ASXL2: variants seen among roughly 807,000 people sequenced by gnomAD.
ASXL2 encodes putative Polycomb group protein ASXL2.
A neutral mutation model predicts 122.0 loss-of-function variants in ASXL2; 23 were observed. That is an observed-to-expected ratio of 0.19 (90% confidence interval 0.14 to 0.27). The LOEUF is 0.27. Ranked by LOEUF, ASXL2 falls within the 10% of genes least tolerant of loss-of-function variation. The pLI, the probability that ASXL2 is intolerant of heterozygous loss-of-function variation, is 1.00. For synonymous variants in ASXL2, 650 were observed against 637.0 expected (o/e 1.02, Z -0.31); for missense variants, 1,518 against 1,713.8 (o/e 0.89, Z 2.02).
In ASXL2 at chr2:25,768,023, A is replaced by G. The variant is rs148049589; in HGVS notation, c.632-297T>C. Among the ~76,000 whole-genome samples, 364 of 152,332 alleles carry G rather than the reference A, an allele frequency of 2.4e-3. 2 individuals carry two copies. The highest frequency in any genetic ancestry group is 8.3e-3 in the African/African-American group (347 of 41,574). On this transcript the variant is annotated intron_variant, in intron 7 of 12. Coordinates refer to ENST00000435504, the MANE Select transcript of ASXL2 (RefSeq NM_018263.6). ...CTTATGGTATCAAACTGAATTATGT[A>G]ATACAATACAGAGTCTGTGTCTAGA... is the stretch of plus-strand genomic sequence containing the variant.
chr2:25,804,199 T>C (rs182694796), intron 4 of ASXL2, among the ~76,000 whole-genome samples: 9 of 152,328 alleles, frequency 5.9e-5, no homozygotes, highest in East Asian at 1.9e-4. Context: ...TACACAACCA[T>C]TGGGCACAGT....
chr2:25,769,564 T>C (rs1481637304), intron 6 of ASXL2, among the ~76,000 whole-genome samples: 1 of 151,884 alleles, frequency 6.6e-6, no homozygotes, highest in African/African-American at 2.4e-5. Flanking sequence ...TTATAAAATA[T>C]ACTTGATAAT....
rs544077487 is a variant in ASXL2, at chr2:25,859,552, T to C, written c.58-13989A>G. Among the ~76,000 whole-genome samples the C allele has an allele frequency of 2.6e-5, 4 of 152,348 alleles. No homozygotes were observed. The South Asian group carries it at 8.3e-4, about 32-fold the overall frequency. On this transcript the variant is annotated intron_variant, in intron 1 of 12. Transcript: ENST00000435504. ...AAAGAAATACCTCAAAATATAGGGA[T>C]GAGTTCCAATTCTTAAAATGGACTA...
rs1372480133 is a variant in ASXL2, at chr2:25,878,411, C to T, written c.-189G>A. ...CGGGGGGGTCTATGGGGCGGCCGGT[C>T]CTCTTGCTGCCGTTGCCACTGCTAC... On this transcript the variant is annotated 5_prime_UTR_variant, in exon 1 of 13. Transcript: ENST00000435504. 3.0e-5 allele frequency: 18 copies of T among 603,562 alleles called. No homozygotes were observed. Among genetic ancestry groups the T allele is most frequent in the Non-Finnish European group, 5.0e-5 (17 of 341,440 alleles). The allele number at this position is 603,562 out of a possible 1,614,324, so 37.4% of individuals were successfully genotyped here.
At chr2:25,866,614 CTT>C (rs928171875) in intron 1 of ASXL2, among the ~76,000 whole-genome samples, 15 of 152,226 alleles carry the variant, frequency 9.9e-5, no homozygotes, top group African/African-American at 3.6e-4. Context: ...GGTTGCCCCT[CTT>C]GTCCCCCACA....
chr2:25,753,256 G>A (rs569321090), intron 11 of ASXL2, among the ~76,000 whole-genome samples: 223 of 151,650 alleles, frequency 1.5e-3, no homozygotes, highest in Non-Finnish European at 1.8e-3. Context: ...GAGCCACTGC[G>A]CCCAGCTAAA....
intron 1 of ASXL2, among the ~76,000 whole-genome samples, chr2:25,873,625 GAATAAAGTCTATATATTAA>G (rs762067053): frequency 2.7e-4 from 41 of 150,210 alleles, no homozygotes; most frequent in Admixed American, 1.5e-3. Flanking sequence ...ATTAACCAAT[GAATAAAGTCTATATATTAA>G]AAAAAAAAAC....
chr2:25,812,078 A>G (rs1224575538), intron 3 of ASXL2, among the ~76,000 whole-genome samples: 3 of 151,764 alleles, frequency 2.0e-5, no homozygotes, highest in Admixed American at 1.3e-4. Flanking sequence ...TTTACATAAG[A>G]TATTACCATT....
chr2:25,828,522 A>AAG (rs1553703322), intron 3 of ASXL2, among the ~76,000 whole-genome samples: 27 of 133,276 alleles, frequency 2.0e-4, no homozygotes, highest in African/African-American at 4.5e-4. Context: ...AAAAAAAAAT[A>AAG]AAAAGAAAAG....
At chr2:25,759,345 TCC>T in intron 9 of ASXL2, 135 bp downstream of exon 9, 1 of 863,678 alleles carries the variant, frequency 1.2e-6, no homozygotes. Flanking sequence ...AATTTTTTTT[TCC>T]TAAGCCTTAA....
chr2:25,845,189 C>T, intron 2 of ASXL2: 1 of 361,862 alleles, frequency 2.8e-6, no homozygotes, highest in Non-Finnish European at 5.4e-6. Context: ...AATCAAAAAG[C>T]CTAAAGAGAC....
At chr2:25,806,150 C>G (rs2089077858) in intron 4 of ASXL2, 79 bp downstream of exon 4, 1 of 857,036 alleles carries the variant, frequency 1.2e-6, no homozygotes. Flanking sequence ...GAACAGAATT[C>G]TGTCCCTACG....
intron 1 of ASXL2, among the ~76,000 whole-genome samples, chr2:25,867,503 A>G (rs903200042): frequency 2.0e-5 from 3 of 152,206 alleles, no homozygotes; most frequent in Non-Finnish European, 4.4e-5. Flanking sequence ...TATAGGTAAA[A>G]AAAGGTATGC....
chr2:25,878,107 T>G, intron 1 of ASXL2, 59 bp downstream of exon 1: 5 of 1,601,984 alleles, frequency 3.1e-6, no homozygotes, highest in Non-Finnish European at 4.3e-6. Flanking sequence ...TCCCTGCGAC[T>G]GGCGGGCGAC....
At chr2:25,798,087 C>T (rs573906481) in intron 5 of ASXL2, among the ~76,000 whole-genome samples, 3 of 152,186 alleles carry the variant, frequency 2.0e-5, no homozygotes, top group African/African-American at 7.2e-5. Flanking sequence ...AACCAAATAC[C>T]GCATGTTCTC....
intron 1 of ASXL2, among the ~76,000 whole-genome samples, chr2:25,861,963 G>A (rs985425374): frequency 6.6e-6 from 1 of 152,130 alleles, no homozygotes; most frequent in Non-Finnish European, 1.5e-5. Context: ...CCAAAGTACT[G>A]TACTGTATCA....
intron 5 of ASXL2, among the ~76,000 whole-genome samples, chr2:25,773,507 TA>T (rs2088492717): frequency 6.6e-6 from 1 of 150,960 alleles, no homozygotes; most frequent in South Asian, 2.1e-4. Flanking sequence ...CTACTAAAAA[TA>T]CAAAAAAATT....
At position 25,736,321 on chromosome 2, in the gene ASXL2, T is replaced by C. The variant is rs529679909; in HGVS notation, c.*5708A>G. On this transcript the variant is annotated 3_prime_UTR_variant, in exon 13 of 13. Coordinates refer to ENST00000435504, the MANE Select transcript of ASXL2 (RefSeq NM_018263.6). ...CCATGTCATCACCTGAATATAAATT[T>C]ATCTTCCCACAAGATAGGAGACCCA... The C allele has an allele frequency of 1.9e-4, 29 of 152,324 alleles. No homozygotes were observed. The highest frequency in any genetic ancestry group is 6.5e-4 in the African/African-American group (27 of 41,582). 9.4% of individuals were successfully genotyped at this position (152,324 alleles called of 1,614,324 possible).
In ASXL2 at chr2:25,741,303, G is replaced by T; in HGVS notation, c.*726C>A. 4.5e-6 allele frequency: 1 copy of T among 223,096 alleles called. No individual in the cohort carries two copies. The highest frequency in any genetic ancestry group is 9.0e-6 in the Non-Finnish European group (1 of 111,688). 13.8% of individuals were successfully genotyped at this position (223,096 alleles called of 1,614,324 possible). ...CTACATTCACTGTCTCAGGGCAGGG[G>T]GTGGGATTAGGGAACAGCAGGGATC... is the stretch of plus-strand genomic sequence containing the variant. On this transcript the variant is annotated 3_prime_UTR_variant, in exon 13 of 13. Transcript: ENST00000435504.
Sources: gnomAD v4.1 joint callset for allele counts (sites outside exome capture counted in the v4.1 genomes callset) on GRCh38, gnomAD v4.1.1 for gene constraint, MANE v1.5 for transcripts, NCBI Gene and HGNC (gene_info 2026-07-23, HGNC 2026-07-21) for gene names.